TDP1: variants seen among roughly 807,000 people sequenced by gnomAD.
TDP1 encodes tyr-DNA phosphodiesterase 1.
Under a neutral mutation model 81.5 loss-of-function variants are expected in TDP1, and 64 were observed. That is an observed-to-expected ratio of 0.79 (90% CI 0.64 to 0.97). TDP1 has a LOEUF of 0.97. TDP1 is among the 50% of genes least tolerant of loss of function. The pLI is 0.00. For synonymous variants in TDP1, 256 were observed against 264.3 expected, an observed-to-expected ratio of 0.97 and a Z score of 0.30; for missense variants, 723 against 743.8, an observed-to-expected ratio of 0.97 and a Z score of 0.33.
intron 6 of TDP1, among the ~76,000 whole-genome samples, chr14:89,972,698 C>A (rs1432041031): frequency 3.3e-5 from 5 of 152,230 alleles, no homozygotes; most frequent in Admixed American, 3.3e-4. Context: ...GAATTTCTCA[C>A]ATTTATGATA....
intron 7 of TDP1, among the ~76,000 whole-genome samples, chr14:89,977,193 G>C (rs1894438463): frequency 6.6e-6 from 1 of 152,134 alleles, no homozygotes; most frequent in Non-Finnish European, 1.5e-5. Context: ...AATTACAGTT[G>C]AACTTTTCCC....
intron 15 of TDP1, chr14:90,022,776 A>G (rs1886228181): frequency 1.0e-6 from 1 of 985,222 alleles, no homozygotes; most frequent in African/African-American, 1.7e-5. Context: ...CCTTCACAAA[A>G]TTAACATTGA....
chr14:90,012,644 C>T (rs191750810), intron 14 of TDP1, among the ~76,000 whole-genome samples: 1 of 152,160 alleles, frequency 6.6e-6, no homozygotes, highest in African/African-American at 2.4e-5. Context: ...AGAACCTCTG[C>T]TAGGGCAGTG....
At chr14:89,967,764 A>C (rs548866182) in intron 5 of TDP1, among the ~76,000 whole-genome samples, 1 of 152,220 alleles carries the variant, frequency 6.6e-6, no homozygotes, top group South Asian at 2.1e-4. Flanking sequence ...CATGCCGCCA[A>C]CGTGCCATGC....
At chr14:89,966,434 C>T (rs1892958570) in intron 4 of TDP1, among the ~76,000 whole-genome samples, 1 of 152,182 alleles carries the variant, frequency 6.6e-6, no homozygotes, top group African/African-American at 2.4e-5. Context: ...CAAGAAGTCA[C>T]TTTGGACATT....
At position 89,971,257 on chromosome 14, in the gene TDP1, A is replaced by ATC. The variant is rs757389301; in HGVS notation, c.750_751dup (p.Cys251SerfsTer17). 3.7e-6 allele frequency: 6 copies of ATC among 1,613,876 alleles called. No individual in the cohort carries two copies. Among genetic ancestry groups the ATC allele is most frequent in the African/African-American group, 1.3e-5 (1 of 74,930 alleles). ...TGCCCAGGCCAAGCCTTACGAGAAC[A>ATC]TCTCTCTCTGCCAGGTAAGCCACTT... is the stretch of plus-strand genomic sequence containing the variant. On this transcript the variant is annotated frameshift_variant, in exon 6 of 17. Coordinates refer to ENST00000335725, the MANE Select transcript of TDP1 (RefSeq NM_018319.4). LOFTEE classifies it high-confidence loss of function.
intron 14 of TDP1, among the ~76,000 whole-genome samples, chr14:90,017,469 TAAAA>T (rs1885452122): frequency 6.6e-6 from 1 of 152,126 alleles, no homozygotes; most frequent in African/African-American, 2.4e-5. Flanking sequence ...ACAAGCCAAA[TAAAA>T]GGAGGGATTG....
chr14:89,962,893 A>G, intron 2 of TDP1: 3 of 985,074 alleles, frequency 3.0e-6, no homozygotes, highest in Non-Finnish European at 3.6e-6. Flanking sequence ...AAGGAAGAAA[A>G]AAGAAAGGTG....
At position 89,991,274 on chromosome 14, in the gene TDP1, T is replaced by C. The variant is rs570054071; in HGVS notation, c.1367-643T>C. On this transcript the variant is annotated intron_variant, in intron 12 of 16. Transcript: ENST00000335725. The stretch of plus-strand genomic sequence containing the variant: ...AAATTATCATCACCAAGTAATTCAA[T>C]TATAATTTTTTGTTTTCAAAGTGTA... 2.0e-5 allele frequency among the ~76,000 whole-genome samples: 3 copies of C among 152,242 alleles called. No homozygotes were observed. In the South Asian group the frequency reaches 6.2e-4, roughly 32 times the overall value.
rs1888378414 is a variant in TDP1, at chr14:90,041,729, T to G, written c.1754-1341T>G. Among the ~76,000 whole-genome samples the G allele has an allele frequency of 5.3e-5, 8 of 152,200 alleles. No individual in the cohort carries two copies. In the South Asian group the frequency reaches 1.4e-3, roughly 28 times the overall value. Reference sequence around the variant, plus strand: ...TCTCTAACACTTACCAAGACAATAATATGGGGAGTTATTTTTAATCCTTGT... The same window carrying G: ...TCTCTAACACTTACCAAGACAATAAGATGGGGAGTTATTTTTAATCCTTGT... On this transcript the variant is annotated intron_variant, in intron 16 of 16. Transcript: ENST00000335725.
At chr14:89,999,434 C>G (rs1399347527) in intron 14 of TDP1, among the ~76,000 whole-genome samples, 1 of 152,162 alleles carries the variant, frequency 6.6e-6, no homozygotes, top group African/African-American at 2.4e-5. Context: ...AGCAGACATA[C>G]TAGTTTTAAG....
chr14:89,958,076 T>G (rs1399566522), intron 2 of TDP1, among the ~76,000 whole-genome samples: 1 of 152,178 alleles, frequency 6.6e-6, no homozygotes, highest in Non-Finnish European at 1.5e-5. Flanking sequence ...CATGTAGGGC[T>G]TGTGGATGGC....
intron 2 of TDP1, among the ~76,000 whole-genome samples, chr14:89,960,214 A>C (rs1892163024): frequency 6.6e-6 from 1 of 152,196 alleles, no homozygotes; most frequent in African/African-American, 2.4e-5. Flanking sequence ...GTAACAGCTT[A>C]AATACCCCTA....
intron 6 of TDP1, among the ~76,000 whole-genome samples, chr14:89,972,315 T>C (rs1893756602): frequency 1.3e-5 from 2 of 152,066 alleles, no homozygotes; most frequent in African/African-American, 4.8e-5. Flanking sequence ...CTACACACTT[T>C]TATCAAACAA....
At chr14:89,984,777 G>C (rs975910529) in intron 9 of TDP1, 94 bp downstream of exon 9, 9 of 1,599,892 alleles carry the variant, frequency 5.6e-6, no homozygotes, top group Non-Finnish European at 7.6e-6. Context: ...GAAAGAGGTG[G>C]GGTGAAATCT....
Position 89,967,385 on chromosome 14 carries a change from G to A in TDP1, c.622G>A (p.Val208Met), listed in dbSNP as rs776360792. 83 of 1,613,788 alleles carry A rather than the reference G, an allele frequency of 5.1e-5. No individual in the cohort carries two copies. The South Asian group carries it at 6.8e-4, about 13-fold the overall frequency. ...CATCTAGTTTAACTACTGCTTTGAC[G>A]TGGACTGGCTCGTAAAACAGTATCC... ...SSAQFNYCFD[V>M]DWLVKQYPPE... The change falls in exon 5 of 17, where the codon GTG (valine) becomes ATG (methionine). Residue 208 changes from valine to methionine, a missense_variant. Physicochemically the swap from Val to Met is conservative, Grantham distance 21 (BLOSUM62 1). Transcript: ENST00000335725.
chr14:90,036,092 T>C (rs1243585366), intron 16 of TDP1, among the ~76,000 whole-genome samples: 1 of 152,236 alleles, frequency 6.6e-6, no homozygotes, highest in Non-Finnish European at 1.5e-5. Context: ...ATGAGTTTTG[T>C]TTGTTTCTTC....
chr14:90,041,600 C>T (rs1888360260), intron 16 of TDP1, among the ~76,000 whole-genome samples: 1 of 152,174 alleles, frequency 6.6e-6, no homozygotes, highest in Non-Finnish European at 1.5e-5. Flanking sequence ...GGAAAGGTTG[C>T]CCCAGAGGCG....
rs1261937368 is a variant in TDP1, at chr14:90,043,170, G to C, written c.*27G>C. ...AATCTTGAGGCACTGTGAAATTTAA[G>C]TGTAAGACATTGAGCCACAAACATG... On this transcript the variant is annotated 3_prime_UTR_variant, in exon 17 of 17. Coordinates refer to ENST00000335725, the MANE Select transcript of TDP1 (RefSeq NM_018319.4). The C allele has an allele frequency of 1.2e-6, 2 of 1,614,008 alleles. No individual in the cohort carries two copies. The highest frequency in any genetic ancestry group is 2.7e-5 in the African/African-American group (2 of 74,936).
Sources: gnomAD v4.1 joint callset for allele counts (sites outside exome capture counted in the v4.1 genomes callset) on GRCh38, gnomAD v4.1.1 for gene constraint, MANE v1.5 for transcripts, NCBI Gene and HGNC (gene_info 2026-07-23, HGNC 2026-07-21) for gene names.